Variants in NKAIN2 observed in about 807,000 individuals in gnomAD.
NKAIN2 encodes sodium/potassium transporting ATPase interacting 2.
In NKAIN2, 14 loss-of-function variants were observed where a neutral mutation model predicts 32.6. That is an observed-to-expected ratio of 0.43 (90% CI 0.28 to 0.67). The LOEUF (loss-of-function observed/expected upper bound fraction) is 0.67. Ranked by LOEUF, NKAIN2 falls within the 30% of genes least tolerant of loss-of-function variation. The probability of loss-of-function intolerance (pLI) is 0.17; values close to 1 mark genes in which losing one functional copy is unlikely to be tolerated. For missense variants in NKAIN2, 198 were observed against 258.3 expected (o/e 0.77, Z 1.60); for synonymous variants, 80 against 87.2 (o/e 0.92, Z 0.46).
rs545049201 is a variant in NKAIN2 at position 124,106,729 on chromosome 6, CAG to C, written c.55-176273_55-176272del. ...AATAACAGAATGAGGACATTGGTTG[CAG>C]AGTGATCATATTTATGCTCTATCCA... On this transcript the variant is annotated intron_variant, in intron 1 of 6. Transcript: ENST00000368417. Among the ~76,000 whole-genome samples the C allele has an allele frequency of 3.7e-3, 562 of 152,264 alleles. 3 individuals are homozygous for C. Among genetic ancestry groups the C allele is most frequent in the African/African-American group, 0.013 (524 of 41,546 alleles).
rs139867252 is a variant in NKAIN2, at chr6:124,219,779, C to T, written c.55-63226C>T. Among the ~76,000 whole-genome samples the T allele has an allele frequency of 1.1e-3, 175 of 152,200 alleles. 1 individual carries two copies. Among genetic ancestry groups the T allele is most frequent in the African/African-American group, 4.0e-3 (165 of 41,530 alleles). Reference sequence around the variant, plus strand: ...AATAGATTTTGATATTTTAGAACAACATCAGTGAAATGGTTGAAAGCTGGT... The same window carrying T: ...AATAGATTTTGATATTTTAGAACAATATCAGTGAAATGGTTGAAAGCTGGT... On this transcript the variant is annotated intron_variant, in intron 1 of 6. Coordinates refer to ENST00000368417, the MANE Select transcript of NKAIN2 (RefSeq NM_001040214.3).
intron 3 of NKAIN2, among the ~76,000 whole-genome samples, chr6:124,564,683 G>C (rs550525492): frequency 6.6e-6 from 1 of 152,272 alleles, no homozygotes; most frequent in Non-Finnish European, 1.5e-5. Flanking sequence ...CCACCGGAGG[G>C]AACCAATCCT....
intron 3 of NKAIN2, among the ~76,000 whole-genome samples, chr6:124,573,131 C>T (rs552807819): frequency 1.3e-5 from 2 of 152,108 alleles, no homozygotes; most frequent in African/African-American, 2.4e-5. Flanking sequence ...TGAGCCACCA[C>T]GCCCGGCCAA....
intron 2 of NKAIN2, among the ~76,000 whole-genome samples, chr6:124,347,997 G>A (rs911771000): frequency 6.6e-6 from 1 of 152,266 alleles, no homozygotes. Context: ...TGATGGTGAT[G>A]TACAGATGGG....
chr6:124,298,491 G>A (rs985385799), intron 2 of NKAIN2, among the ~76,000 whole-genome samples: 6 of 152,072 alleles, frequency 3.9e-5, no homozygotes, highest in African/African-American at 9.7e-5. Context: ...AGAAACTGCT[G>A]CGCTAAAGAT....
At chr6:124,362,771 G>T (rs1799344828) in intron 3 of NKAIN2, among the ~76,000 whole-genome samples, 1 of 151,020 alleles carries the variant, frequency 6.6e-6, no homozygotes, top group Admixed American at 6.6e-5. Context: ...TCTACTAAGA[G>T]AAGAAAAAAG....
chr6:123,888,778 G>T (rs898939543), intron 1 of NKAIN2, among the ~76,000 whole-genome samples: 2 of 152,048 alleles, frequency 1.3e-5, no homozygotes, highest in Non-Finnish European at 2.9e-5. Context: ...CATTTGCAGA[G>T]AATATTTTAG....
At chr6:123,880,520 A>G (rs1320225972) in intron 1 of NKAIN2, among the ~76,000 whole-genome samples, 2 of 152,154 alleles carry the variant, frequency 1.3e-5, no homozygotes, top group African/African-American at 4.8e-5. Context: ...CTGGTTAAGG[A>G]GAGAATGGAT....
At chr6:123,822,982 A>G (rs1242109711) in intron 1 of NKAIN2, among the ~76,000 whole-genome samples, 1 of 143,226 alleles carries the variant, frequency 7.0e-6, no homozygotes, top group Admixed American at 6.8e-5. Context: ...TAAGTAACGT[A>G]CAGCCAGGAT....
At chr6:124,253,581 CAT>C (rs1793783252) in intron 1 of NKAIN2, among the ~76,000 whole-genome samples, 1 of 152,106 alleles carries the variant, frequency 6.6e-6, no homozygotes, top group Non-Finnish European at 1.5e-5. Context: ...CTTGTGGTGA[CAT>C]ATGTGTGTGT....
chr6:124,772,551 G>T (rs796746135), intron 4 of NKAIN2, among the ~76,000 whole-genome samples: 32 of 152,220 alleles, frequency 2.1e-4, no homozygotes, highest in African/African-American at 7.0e-4. Flanking sequence ...TGATTTTAAA[G>T]GATTATTTTA....
At chr6:123,886,509 C>G (rs888996518) in intron 1 of NKAIN2, among the ~76,000 whole-genome samples, 7 of 152,054 alleles carry the variant, frequency 4.6e-5, no homozygotes, top group Admixed American at 6.6e-5. Flanking sequence ...CAGAATGCAT[C>G]AAGTCTGTGT....
intron 3 of NKAIN2, among the ~76,000 whole-genome samples, chr6:124,648,611 A>G (rs1158310081): frequency 6.6e-6 from 1 of 152,152 alleles, no homozygotes; most frequent in East Asian, 1.9e-4. Flanking sequence ...AAGTTCATGG[A>G]GTGTGATGGA....
chr6:123,866,557 A>G (rs1772525948), intron 1 of NKAIN2, among the ~76,000 whole-genome samples: 1 of 152,044 alleles, frequency 6.6e-6, no homozygotes, highest in African/African-American at 2.4e-5. Context: ...CAGCCTCCCG[A>G]GTAGCTGGGA....
At chr6:124,683,678 C>T (rs1418565160) in intron 4 of NKAIN2, among the ~76,000 whole-genome samples, 5 of 152,164 alleles carry the variant, frequency 3.3e-5, no homozygotes, top group Admixed American at 2.6e-4. Flanking sequence ...TCCCCCCCAC[C>T]CTGCTTTAGC....
intron 1 of NKAIN2, among the ~76,000 whole-genome samples, chr6:123,983,138 G>T (rs1778977166): frequency 6.6e-6 from 1 of 152,188 alleles, no homozygotes. Context: ...AACATTTTAG[G>T]AAAGGAGCAG....
At chr6:124,046,437 CCTTT>C (rs1226398385) in intron 1 of NKAIN2, among the ~76,000 whole-genome samples, 1 of 151,948 alleles carries the variant, frequency 6.6e-6, no homozygotes, top group African/African-American at 2.4e-5. Context: ...CACATTAGTT[CCTTT>C]AACATTCACC....
At chr6:124,438,983 A>G (rs1775577504) in intron 3 of NKAIN2, among the ~76,000 whole-genome samples, 1 of 152,136 alleles carries the variant, frequency 6.6e-6, no homozygotes, top group African/African-American at 2.4e-5. Context: ...GATCTCATCC[A>G]TATATGGAGC....
At chr6:124,416,838 C>A (rs916570976) in intron 3 of NKAIN2, among the ~76,000 whole-genome samples, 2 of 152,022 alleles carry the variant, frequency 1.3e-5, no homozygotes, top group Non-Finnish European at 2.9e-5. Flanking sequence ...GGAGCCTGAA[C>A]TCCACCCTCA....
Sources: allele counts gnomAD v4.1 joint callset (sites outside exome capture counted in the v4.1 genomes callset), GRCh38; gene constraint gnomAD v4.1.1; transcripts MANE v1.5; gene names NCBI Gene and HGNC (gene_info 2026-07-23, HGNC 2026-07-21).